Variants in PRKG1 observed in about 807,000 individuals in gnomAD.
PRKG1 encodes the protein protein kinase cGMP-dependent 1, also known as cGMP-dependent protein kinase 1.
Under a neutral mutation model 88.1 loss-of-function variants are expected in PRKG1, and 35 were observed. That is an observed-to-expected ratio of 0.40 (90% CI 0.30 to 0.53). PRKG1 has a LOEUF of 0.53. Ranked by LOEUF, PRKG1 falls within the 20% of genes least tolerant of loss-of-function variation. The pLI is 0.59. For synonymous variants in PRKG1, 303 were observed against 292.5 expected, an observed-to-expected ratio of 1.04 and a Z score of -0.37; for missense variants, 540 against 839.8, an observed-to-expected ratio of 0.64 and a Z score of 4.41.
chr10:51,805,887 T>G (rs953103934), intron 4 of PRKG1, among the ~76,000 whole-genome samples: 1 of 152,152 alleles, frequency 6.6e-6, no homozygotes, highest in South Asian at 2.1e-4. Flanking sequence ...AGGGTGTTGA[T>G]TTTTTTCCTC....
intron 1 of PRKG1, among the ~76,000 whole-genome samples, chr10:51,078,179 G>A (rs928891378): frequency 6.6e-6 from 1 of 151,924 alleles, no homozygotes; most frequent in South Asian, 2.1e-4. Context: ...TTTGTAAGCT[G>A]TTGCTTTCAC....
At chr10:51,198,470 C>T (rs1589237429) in intron 2 of PRKG1, among the ~76,000 whole-genome samples, 2 of 152,096 alleles carry the variant, frequency 1.3e-5, no homozygotes, top group African/African-American at 4.8e-5. Flanking sequence ...AGAGATTTCC[C>T]CATAAATTAG....
At chr10:51,160,876 G>A (rs1224639708) in intron 2 of PRKG1, among the ~76,000 whole-genome samples, 3 of 41,970 alleles carry the variant, frequency 7.1e-5, no homozygotes, top group East Asian at 9.0e-4. Flanking sequence ...CTTCATGCTC[G>A]TGTGTGTGTG....
intron 5 of PRKG1, among the ~76,000 whole-genome samples, chr10:52,004,863 G>A (rs1245737311): frequency 2.0e-5 from 3 of 152,100 alleles, no homozygotes; most frequent in African/African-American, 7.2e-5. Flanking sequence ...GGAGGTCGAG[G>A]TTGCAGTGAG....
At chr10:51,582,451 G>A (rs968940697) in intron 3 of PRKG1, among the ~76,000 whole-genome samples, 1 of 152,058 alleles carries the variant, frequency 6.6e-6, no homozygotes. Context: ...GAGTGAATTA[G>A]CTATTTTTCT....
At chr10:52,224,043 T>A (rs769887227) in intron 9 of PRKG1, among the ~76,000 whole-genome samples, 1 of 152,118 alleles carries the variant, frequency 6.6e-6, no homozygotes, top group Non-Finnish European at 1.5e-5. Flanking sequence ...TATTTTATAA[T>A]ATAAATTAGA....
At chr10:52,289,087 C>T (rs1842183147) in intron 16 of PRKG1, 94 bp downstream of exon 16, 1 of 1,211,338 alleles carries the variant, frequency 8.3e-7, no homozygotes, top group South Asian at 1.4e-5. Flanking sequence ...TATAATTAGC[C>T]TATAGGAACA....
chr10:51,501,404 G>C (rs1055521389), intron 3 of PRKG1, among the ~76,000 whole-genome samples: 4 of 152,030 alleles, frequency 2.6e-5, no homozygotes, highest in African/African-American at 4.8e-5. Flanking sequence ...AGGTTTCTGC[G>C]GGTATCTGCT....
At chr10:52,187,478 A>G (rs956819320) in intron 9 of PRKG1, among the ~76,000 whole-genome samples, 1 of 152,194 alleles carries the variant, frequency 6.6e-6, no homozygotes, top group Non-Finnish European at 1.5e-5. Context: ...TGTGAAACTG[A>G]ATGCCCTATG....
rs10995861 is a variant in PRKG1, at chr10:51,150,361, T to G, written c.312-2803T>G. 3.6e-3 allele frequency among the ~76,000 whole-genome samples: 545 copies of G among 152,208 alleles called. 8 individuals are homozygous for G. The East Asian group carries it at 0.052, about 15-fold the overall frequency. On this transcript the variant is annotated intron_variant, in intron 1 of 17. Coordinates refer to ENST00000373980, the MANE Select transcript of PRKG1 (RefSeq NM_006258.4). The stretch of plus-strand genomic sequence containing the variant: ...AGAAGAATTAGATGGAGGCCCTGAT[T>G]AATTATAGTCTATAATGTTGGAGAA...
At chr10:52,229,986 AT>A (rs1374283949) in intron 9 of PRKG1, among the ~76,000 whole-genome samples, 5 of 152,140 alleles carry the variant, frequency 3.3e-5, no homozygotes, top group Non-Finnish European at 7.4e-5. Flanking sequence ...CTGGTACCTG[AT>A]TGTATACAAT....
At chr10:51,855,286 A>T (rs1313393725) in intron 4 of PRKG1, among the ~76,000 whole-genome samples, 1 of 152,126 alleles carries the variant, frequency 6.6e-6, no homozygotes, top group Admixed American at 6.6e-5. Context: ...TGTTTCTGAG[A>T]TAGTGTGTTT....
chr10:51,238,130 C>A (rs575131269), intron 2 of PRKG1, among the ~76,000 whole-genome samples: 2 of 152,272 alleles, frequency 1.3e-5, no homozygotes, highest in East Asian at 3.9e-4. Context: ...CCAAATCATG[C>A]TGCTTAAGTT....
At chr10:52,287,705 A>T (rs368357157) in intron 14 of PRKG1, among the ~76,000 whole-genome samples, 80,966 of 143,420 alleles carry the variant, frequency 0.56, 22,328 homozygotes, top group Middle Eastern at 0.64. Context: ...AGTTAAAAAA[A>T]AAAAAAAAAA....
chr10:51,215,230 G>C (rs1241268918), intron 2 of PRKG1, among the ~76,000 whole-genome samples: 1 of 152,182 alleles, frequency 6.6e-6, no homozygotes, highest in African/African-American at 2.4e-5. Context: ...AATTAATGGT[G>C]TCATGTTTGA....
chr10:51,417,356 C>G (rs952296350), intron 2 of PRKG1, among the ~76,000 whole-genome samples: 12 of 152,160 alleles, frequency 7.9e-5, no homozygotes, highest in African/African-American at 2.7e-4. Flanking sequence ...AGTATTCCTG[C>G]TATTCTTTAA....
chr10:51,572,899 GT>G (rs971034409), intron 3 of PRKG1, among the ~76,000 whole-genome samples: 54 of 151,768 alleles, frequency 3.6e-4, no homozygotes, highest in African/African-American at 1.3e-3. Flanking sequence ...ACTCAACTGT[GT>G]CCACGTATAC....
chr10:51,150,627 C>T (rs1846046668), intron 1 of PRKG1, among the ~76,000 whole-genome samples: 1 of 151,988 alleles, frequency 6.6e-6, no homozygotes, highest in Non-Finnish European at 1.5e-5. Flanking sequence ...AAGATGTGGT[C>T]CTATATTGAT....
At chr10:51,396,409 G>C (rs1281167784) in intron 2 of PRKG1, among the ~76,000 whole-genome samples, 1 of 151,862 alleles carries the variant, frequency 6.6e-6, no homozygotes, top group Non-Finnish European at 1.5e-5. Context: ...AAAAAAAAGA[G>C]AGAGAAAGGG....
Sources: allele counts gnomAD v4.1 joint callset (sites outside exome capture counted in the v4.1 genomes callset), GRCh38; gene constraint gnomAD v4.1.1; transcripts MANE v1.5; gene names NCBI Gene and HGNC (gene_info 2026-07-23, HGNC 2026-07-21).